The following EPHA6 variants were observed in gnomAD, a reference collection of about 807,000 sequenced individuals.
EPHA6 encodes ephrin type-A receptor 6.
EPHA6 carries 50 observed loss-of-function variants against 112.0 expected under a neutral mutation model. That is an observed-to-expected ratio of 0.45 (90% CI 0.36 to 0.56). EPHA6 has a LOEUF of 0.56. EPHA6 is among the 20% of genes least tolerant of loss of function. The probability of loss-of-function intolerance (pLI) is 0.00; values close to 1 mark genes in which losing one functional copy is unlikely to be tolerated. For synonymous variants in EPHA6, 529 were observed against 490.7 expected, an observed-to-expected ratio of 1.08 and a Z score of -1.03; for missense variants, 1,280 against 1,417.4, an observed-to-expected ratio of 0.90 and a Z score of 1.56.
At chr3:97,693,357 G>T (rs2032798606) in intron 14 of EPHA6, among the ~76,000 whole-genome samples, 1 of 152,142 alleles carries the variant, frequency 6.6e-6, no homozygotes, top group Non-Finnish European at 1.5e-5. Context: ...TTTCTAATCA[G>T]AAGCCTGAAA....
chr3:97,628,252 G>A (rs1157813138), intron 13 of EPHA6, among the ~76,000 whole-genome samples: 2 of 151,898 alleles, frequency 1.3e-5, no homozygotes, highest in African/African-American at 4.8e-5. Context: ...TAAAAGTACA[G>A]CCAATAGGAT....
At chr3:96,973,326 T>A (rs535631247) in intron 2 of EPHA6, among the ~76,000 whole-genome samples, 24 of 152,288 alleles carry the variant, frequency 1.6e-4, no homozygotes, top group African/African-American at 5.8e-4. Flanking sequence ...ATTTTAATCC[T>A]GTACCATGTA....
chr3:97,521,154 T>A (rs1282682671), intron 10 of EPHA6, among the ~76,000 whole-genome samples: 1 of 152,016 alleles, frequency 6.6e-6, no homozygotes, highest in African/African-American at 2.4e-5. Flanking sequence ...TGTATCTCAT[T>A]GAGCTTCTTT....
rs756651384 is a variant in EPHA6 at position 97,479,335 on chromosome 3, A to G, written c.2045A>G (p.Lys682Arg). 4 of 1,606,012 alleles carry G rather than the reference A, an allele frequency of 2.5e-6. No individual in the cohort carries two copies. The highest frequency in any genetic ancestry group is 3.4e-6 in the Non-Finnish European group (4 of 1,177,420). The change falls in exon 9 of 18, where the codon AAG (lysine) becomes AGG (arginine). Residue 682 changes from lysine (K) to arginine (R), a missense_variant. Physicochemically the swap from Lys to Arg is conservative, Grantham distance 26. Coordinates refer to ENST00000389672, the MANE Select transcript of EPHA6 (RefSeq NM_001080448.3). Reference sequence around the variant, plus strand: ...AAAGCCAAGATGAAGTCAGAAGAGAAGAGAAGAAACCACTTACAGAATGGG... The same window carrying G: ...AAAGCCAAGATGAAGTCAGAAGAGAGGAGAAGAAACCACTTACAGAATGGG... The part of the protein sequence containing the change: ...YIKAKMKSEE[K>R]RRNHLQNGHL...
intron 6 of EPHA6, among the ~76,000 whole-genome samples, chr3:97,444,308 GC>G (rs796889861): frequency 3.3e-5 from 5 of 152,164 alleles, no homozygotes; most frequent in African/African-American, 1.2e-4. Flanking sequence ...AAGCAAACCA[GC>G]TAAAAGATGA....
intron 3 of EPHA6, among the ~76,000 whole-genome samples, chr3:96,994,707 GTGTATATA>G (rs1392742096): frequency 1.8e-4 from 17 of 93,296 alleles, no homozygotes; most frequent in South Asian, 5.9e-4. Flanking sequence ...GTGTGTGTGT[GTGTATATA>G]TATATATATA....
At chr3:97,503,927 A>G (rs1273134834) in intron 10 of EPHA6, among the ~76,000 whole-genome samples, 4 of 152,198 alleles carry the variant, frequency 2.6e-5, no homozygotes, top group African/African-American at 9.6e-5. Flanking sequence ...GAAAATTTCA[A>G]CCTCCAGAAT....
intron 2 of EPHA6, among the ~76,000 whole-genome samples, chr3:96,912,519 T>A (rs2107605635): frequency 6.6e-6 from 1 of 152,222 alleles, no homozygotes; most frequent in Admixed American, 6.5e-5. Context: ...CTTAGGATAA[T>A]TAGCATCTAA....
chr3:97,480,898 TCCCCA>T, intron 9 of EPHA6, among the ~76,000 whole-genome samples: 1 of 147,112 alleles, frequency 6.8e-6, no homozygotes, highest in South Asian at 2.2e-4. Context: ...GCAGAGGCGC[TCCCCA>T]CATCTCAGAC....
chr3:97,667,308 A>G (rs2030244069), intron 14 of EPHA6, among the ~76,000 whole-genome samples: 1 of 152,234 alleles, frequency 6.6e-6, no homozygotes, highest in Non-Finnish European at 1.5e-5. Context: ...ATATAACTGT[A>G]AAAGTGACTG....
chr3:97,271,348 C>G (rs1464209939), intron 5 of EPHA6, among the ~76,000 whole-genome samples: 1 of 152,190 alleles, frequency 6.6e-6, no homozygotes, highest in African/African-American at 2.4e-5. Context: ...CTTTTGTGTG[C>G]CTTCTCTCTT....
intron 3 of EPHA6, among the ~76,000 whole-genome samples, chr3:97,069,029 CTTATAA>C (rs2046271714): frequency 2.0e-5 from 3 of 152,274 alleles, no homozygotes; most frequent in South Asian, 4.1e-4. Flanking sequence ...TACGCACACA[CTTATAA>C]TTGACCCTTG....
At chr3:97,387,100 C>T (rs1353210095) in intron 5 of EPHA6, among the ~76,000 whole-genome samples, 3 of 152,214 alleles carry the variant, frequency 2.0e-5, no homozygotes, top group Admixed American at 2.0e-4. Context: ...GCCTCCAGGC[C>T]TGTAATGGAA....
intron 5 of EPHA6, among the ~76,000 whole-genome samples, chr3:97,336,900 G>T (rs1229960949): frequency 1.3e-5 from 2 of 151,372 alleles, no homozygotes; most frequent in Admixed American, 6.6e-5. Flanking sequence ...AAATAGGCTG[G>T]TGCTTTTCTC....
At position 97,704,335 on chromosome 3, in the gene EPHA6, A is replaced by T. The variant is rs550745666; in HGVS notation, c.2785-15926A>T. On this transcript the variant is annotated intron_variant, in intron 14 of 17. Coordinates refer to ENST00000389672, the MANE Select transcript of EPHA6 (RefSeq NM_001080448.3). ...GTGATGGGTGGGTATCACCCAATCCATTGAGACCTTGGATAGAACAAAAAG... is the reference window on the plus strand; with the variant it reads ...GTGATGGGTGGGTATCACCCAATCCTTTGAGACCTTGGATAGAACAAAAAG... Among the ~76,000 whole-genome samples, 271 of 152,320 alleles carry T rather than the reference A, an allele frequency of 1.8e-3. 1 individual carries two copies. Among genetic ancestry groups the T allele is most frequent in the African/African-American group, 6.4e-3 (265 of 41,574 alleles).
chr3:97,423,157 A>G lies in EPHA6; in HGVS notation c.1731+17883A>G, dbSNP rs558854084. Among the ~76,000 whole-genome samples the G allele has an allele frequency of 2.6e-5, 4 of 152,340 alleles. No individual in the cohort carries two copies. In the South Asian group the frequency reaches 6.2e-4, roughly 24 times the overall value. On this transcript the variant is annotated intron_variant, in intron 6 of 17. Coordinates refer to ENST00000389672, the MANE Select transcript of EPHA6 (RefSeq NM_001080448.3). ...TACTACTGGAAGTAGCAGCTAGAGT[A>G]ATCAGGCAAGAGGAAGAAATGAAAG... is the stretch of plus-strand genomic sequence containing the variant.
intron 10 of EPHA6, among the ~76,000 whole-genome samples, chr3:97,506,399 A>G (rs1247774315): frequency 6.6e-6 from 1 of 152,218 alleles, no homozygotes; most frequent in East Asian, 1.9e-4. Flanking sequence ...TTTTCTGCAT[A>G]TGGCTAGCCA....
At chr3:97,557,350 G>T (rs2093125874) in intron 11 of EPHA6, among the ~76,000 whole-genome samples, 1 of 151,894 alleles carries the variant, frequency 6.6e-6, no homozygotes, top group East Asian at 1.9e-4. Flanking sequence ...TTGACTATGT[G>T]AGATGCCTGG....
At chr3:97,285,523 T>A (rs2080434781) in intron 5 of EPHA6, among the ~76,000 whole-genome samples, 2 of 152,104 alleles carry the variant, frequency 1.3e-5, no homozygotes, top group African/African-American at 4.8e-5. Context: ...AGACCATCAT[T>A]TGTATTGATA....
Sources: allele counts gnomAD v4.1 joint callset (sites outside exome capture counted in the v4.1 genomes callset), GRCh38; gene constraint gnomAD v4.1.1; transcripts MANE v1.5; gene names NCBI Gene and HGNC (gene_info 2026-07-23, HGNC 2026-07-21).